SNTG1: variants seen among roughly 807,000 people sequenced by gnomAD.
The protein encoded by SNTG1 is gamma-1-syntrophin.
A neutral mutation model predicts 74.7 loss-of-function variants in SNTG1; 39 were observed. The ratio of observed to expected loss-of-function variants is 0.52; its 90% CI spans 0.40 to 0.68. The LOEUF (loss-of-function observed/expected upper bound fraction) is 0.68. Ranked by LOEUF, SNTG1 falls within the 30% of genes least tolerant of loss-of-function variation. The probability of loss-of-function intolerance (pLI) is 0.00; values close to 1 mark genes in which losing one functional copy is unlikely to be tolerated. For missense variants in SNTG1, 685 were observed against 609.5 expected (o/e 1.12, Z -1.30); for synonymous variants, 254 against 217.1 (o/e 1.17, Z -1.49).
chr8:50,062,548 T>G (rs1173189203), intron 1 of SNTG1, among the ~76,000 whole-genome samples: 1 of 152,236 alleles, frequency 6.6e-6, no homozygotes, highest in South Asian at 2.1e-4. Flanking sequence ...CTATTTTTTC[T>G]ATCACTAATG....
intron 1 of SNTG1, among the ~76,000 whole-genome samples, chr8:49,912,656 T>C (rs978226408): frequency 1.3e-5 from 2 of 152,210 alleles, no homozygotes; most frequent in Non-Finnish European, 2.9e-5. Flanking sequence ...TATATTGTTA[T>C]AATATACTAA....
intron 1 of SNTG1, among the ~76,000 whole-genome samples, chr8:50,005,764 T>G (rs1815162750): frequency 6.6e-6 from 1 of 151,976 alleles, no homozygotes; most frequent in Admixed American, 6.6e-5. Flanking sequence ...TATTGCCTAT[T>G]TTGTGACTGT....
chr8:50,160,047 G>A (rs1586533953), intron 1 of SNTG1, among the ~76,000 whole-genome samples: 1 of 152,176 alleles, frequency 6.6e-6, no homozygotes, highest in African/African-American at 2.4e-5. Flanking sequence ...AACTCTGCAT[G>A]TTTGATATTT....
intron 17 of SNTG1, among the ~76,000 whole-genome samples, chr8:50,713,888 C>T (rs372351639): frequency 6.6e-6 from 1 of 151,806 alleles, no homozygotes; most frequent in African/African-American, 2.4e-5. Flanking sequence ...TGAAACCTTG[C>T]CTCTACTAAA....
At chr8:50,414,685 G>T (rs934974293) in intron 4 of SNTG1, among the ~76,000 whole-genome samples, 17 of 152,060 alleles carry the variant, frequency 1.1e-4, no homozygotes, top group African/African-American at 3.9e-4. Flanking sequence ...CTTGGAAAGG[G>T]ATTTTAAGTA....
intron 8 of SNTG1, among the ~76,000 whole-genome samples, chr8:50,491,885 C>G (rs928338773): frequency 1.5e-5 from 1 of 64,904 alleles, no homozygotes; most frequent in Non-Finnish European, 4.7e-5. Context: ...CTAGCTCCCC[C>G]GCCCCCCTAC....
At chr8:50,287,858 T>C (rs532827650) in intron 2 of SNTG1, among the ~76,000 whole-genome samples, 2 of 152,254 alleles carry the variant, frequency 1.3e-5, no homozygotes, top group East Asian at 3.9e-4. Flanking sequence ...ACTTTACTTA[T>C]GCTCACGGCA....
intron 1 of SNTG1, among the ~76,000 whole-genome samples, chr8:50,003,525 A>C (rs1236972113): frequency 6.6e-6 from 1 of 152,196 alleles, no homozygotes; most frequent in Non-Finnish European, 1.5e-5. Flanking sequence ...ATTTAAGAAT[A>C]GAAGGCAATG....
chr8:50,495,911 G>A (rs1027340514), intron 8 of SNTG1, among the ~76,000 whole-genome samples: 4 of 152,070 alleles, frequency 2.6e-5, no homozygotes, highest in Non-Finnish European at 5.9e-5. Context: ...TTACATTACC[G>A]TTTCAACCAA....
intron 2 of SNTG1, among the ~76,000 whole-genome samples, chr8:50,235,306 T>A (rs770682297): frequency 1.3e-5 from 2 of 152,078 alleles, no homozygotes; most frequent in Non-Finnish European, 2.9e-5. Context: ...CAGGGATGAA[T>A]GTGGAGGGCA....
chr8:50,707,118 G>A (rs1158672178), intron 16 of SNTG1, among the ~76,000 whole-genome samples: 1 of 151,862 alleles, frequency 6.6e-6, no homozygotes, highest in Non-Finnish European at 1.5e-5. Context: ...ACTTCAATGA[G>A]TCTCAATTTA....
chr8:50,111,261 G>C (rs2080575669), intron 1 of SNTG1, among the ~76,000 whole-genome samples: 2 of 152,078 alleles, frequency 1.3e-5, no homozygotes, highest in Non-Finnish European at 2.9e-5. Context: ...ATATGTTGAA[G>C]CTCTACCCCC....
chr8:50,733,839 A>G (rs1413757586), intron 17 of SNTG1, among the ~76,000 whole-genome samples: 3 of 151,746 alleles, frequency 2.0e-5, no homozygotes, highest in Non-Finnish European at 2.9e-5. Flanking sequence ...TATACTATAT[A>G]GCATTATGAC....
chr8:50,195,679 G>A (rs1292443405), intron 2 of SNTG1, among the ~76,000 whole-genome samples: 1 of 152,144 alleles, frequency 6.6e-6, no homozygotes, highest in Non-Finnish European at 1.5e-5. Flanking sequence ...TCCAGGTAAA[G>A]TCAGAAAGGT....
chr8:49,952,500 T>C (rs896023720), intron 1 of SNTG1, among the ~76,000 whole-genome samples: 1 of 152,194 alleles, frequency 6.6e-6, no homozygotes, highest in Admixed American at 6.5e-5. Context: ...GAGGCTGCTG[T>C]GGCTGGAGCT....
At chr8:50,767,572 G>A (rs1309324769) in intron 18 of SNTG1, among the ~76,000 whole-genome samples, 1 of 151,962 alleles carries the variant, frequency 6.6e-6, no homozygotes, top group Non-Finnish European at 1.5e-5. Context: ...GAACAGGGGA[G>A]TGGTTCCCAA....
chr8:49,942,723 A>C (rs1808811244), intron 1 of SNTG1, among the ~76,000 whole-genome samples: 1 of 152,116 alleles, frequency 6.6e-6, no homozygotes, highest in African/African-American at 2.4e-5. Flanking sequence ...TTCAAGTATG[A>C]CTAGATTGAG....
intron 2 of SNTG1, among the ~76,000 whole-genome samples, chr8:50,259,482 G>C (rs1276889736): frequency 2.4e-5 from 3 of 123,736 alleles, no homozygotes; most frequent in Non-Finnish European, 4.8e-5. Flanking sequence ...CTGGGCGACA[G>C]AGAGAGACGC....
At chr8:50,229,776 T>C (rs1311823927) in intron 2 of SNTG1, among the ~76,000 whole-genome samples, 1 of 151,478 alleles carries the variant, frequency 6.6e-6, no homozygotes, top group Admixed American at 6.6e-5. Context: ...GGCAAGAGAA[T>C]TCAAATTCTC....
Sources: allele counts gnomAD v4.1 joint callset (sites outside exome capture counted in the v4.1 genomes callset), GRCh38; gene constraint gnomAD v4.1.1; transcripts MANE v1.5; gene names NCBI Gene and HGNC (gene_info 2026-07-23, HGNC 2026-07-21).